Variants in ZNF362 observed in about 807,000 individuals in gnomAD.
ZNF362 encodes the protein rotund homolog.
A neutral mutation model predicts 42.9 loss-of-function variants in ZNF362; 11 were observed. That is an observed-to-expected ratio of 0.26 (90% CI 0.16 to 0.42). The LOEUF (loss-of-function observed/expected upper bound fraction) is 0.42, where lower values mean the gene tolerates loss of function less well. Among genes scored for constraint, ZNF362 ranks in the 20% least tolerant of loss-of-function variants. ZNF362 has a pLI of 1.00. For missense variants in ZNF362, 362 were observed against 576.2 expected (o/e 0.63, Z 3.81); for synonymous variants, 255 against 257.3 (o/e 0.99, Z 0.09).
Position 33,256,531 on chromosome 1 carries a change from C to G in ZNF362, c.-212C>G, listed in dbSNP as rs2148053023. 6.7e-6 allele frequency: 1 copy of G among 148,836 alleles called. No homozygotes were observed. The allele number at this position is 148,836 out of a possible 1,614,324, so 9.2% of individuals were successfully genotyped here. Reference sequence around the variant, plus strand: ...GGCGACCCGGAAGGTTTGCGCGCGGCTCCGCAGCGAGCCAGAGCCGGAGCC... The same window carrying G: ...GGCGACCCGGAAGGTTTGCGCGCGGGTCCGCAGCGAGCCAGAGCCGGAGCC... On this transcript the variant is annotated 5_prime_UTR_variant, in exon 1 of 9. Transcript: ENST00000539719.
chr1:33,155,867 A>G, the ZNF362 span, among the ~76,000 whole-genome samples: 1 of 152,170 alleles, frequency 6.6e-6, no homozygotes, highest in African/African-American at 2.4e-5. Flanking sequence ...CCAACACCTG[A>G]TAAGTCTACT....
At chr1:33,188,346 C>G in the ZNF362 span, among the ~76,000 whole-genome samples, 485 of 152,272 alleles carry the variant, frequency 3.2e-3, 18 homozygotes, top group East Asian at 0.083. Context: ...GGATGCAGCC[C>G]TGGTTGGTAT....
At chr1:33,240,071 TC>T in the ZNF362 span, among the ~76,000 whole-genome samples, 17 of 152,272 alleles carry the variant, frequency 1.1e-4, no homozygotes, top group Non-Finnish European at 1.9e-4. Context: ...GTGGTAGAAC[TC>T]CCGGGTGAAA....
chr1:33,189,634 C>CATATATATATATATATAT, the ZNF362 span, among the ~76,000 whole-genome samples: 16 of 55,546 alleles, frequency 2.9e-4, no homozygotes, highest in Non-Finnish European at 4.7e-4. Context: ...CACATTCCAG[C>CATATATATATATATATAT]ATATATATAT....
chr1:33,206,361 A>C, the ZNF362 span, among the ~76,000 whole-genome samples: 1 of 79,070 alleles, frequency 1.3e-5, no homozygotes, highest in African/African-American at 5.6e-5. Context: ...ATACCAAAAC[A>C]AAAAAAAAAT....
At chr1:33,177,112 C>T in the ZNF362 span, among the ~76,000 whole-genome samples, 1 of 150,452 alleles carries the variant, frequency 6.6e-6, no homozygotes, top group Non-Finnish European at 1.5e-5. The surrounding 1 kb of genome is among the most constrained non-coding windows in gnomAD (Gnocchi z 4.1). Flanking sequence ...TGCACACACA[C>T]ATGCATGTAC....
chr1:33,209,036 T>C, the ZNF362 span, among the ~76,000 whole-genome samples: 1 of 152,200 alleles, frequency 6.6e-6, no homozygotes, highest in Non-Finnish European at 1.5e-5. Flanking sequence ...TTTTGCCCAT[T>C]CAGTATATTG....
the ZNF362 span, chr1:33,166,223 A>G: frequency 6.6e-6 from 1 of 152,294 alleles, no homozygotes; most frequent in Non-Finnish European, 1.5e-5. Flanking sequence ...CTGATCCTAC[A>G]TCATGTTGAG....
chr1:33,181,453 G>C, the ZNF362 span: 13 of 1,574,558 alleles, frequency 8.3e-6, no homozygotes, highest in African/African-American at 1.6e-4. The surrounding 1 kb of genome is among the most constrained non-coding windows in gnomAD (Gnocchi z 6.5). Context: ...GCAGCAGAGA[G>C]GGGGGCCCGA....
At chr1:33,152,084 C>T in the ZNF362 span, among the ~76,000 whole-genome samples, 2 of 152,232 alleles carry the variant, frequency 1.3e-5, no homozygotes, top group African/African-American at 2.4e-5. Context: ...GGGAGCACCA[C>T]GACAGACCCA....
the ZNF362 span, among the ~76,000 whole-genome samples, chr1:33,199,200 T>C: frequency 6.6e-6 from 1 of 151,644 alleles, no homozygotes; most frequent in East Asian, 1.9e-4. Flanking sequence ...ACAAGAAACA[T>C]AAAGAAAAAA....
At chr1:33,296,645 G>A (rs1158342395) in intron 8 of ZNF362, among the ~76,000 whole-genome samples, 1 of 151,322 alleles carries the variant, frequency 6.6e-6, no homozygotes, top group Non-Finnish European at 1.5e-5. Flanking sequence ...GAGAAAGAGG[G>A]GAAAGAAGCT....
intron 1 of ZNF362, among the ~76,000 whole-genome samples, chr1:33,262,419 G>A (rs986937980): frequency 1.5e-5 from 2 of 130,010 alleles, no homozygotes; most frequent in African/African-American, 5.8e-5. Context: ...ATTCTCTCCT[G>A]CCTCAGCCTC....
At chr1:33,151,337 C>G in the ZNF362 span, among the ~76,000 whole-genome samples, 13 of 152,182 alleles carry the variant, frequency 8.5e-5, no homozygotes, top group East Asian at 2.5e-3. Flanking sequence ...TGTGGCCTGA[C>G]TCTTAGGAGA....
At position 33,294,475 on chromosome 1, in the gene ZNF362, T is replaced by C. The variant is rs2148137025; in HGVS notation, c.909-462T>C. ...TCACGGAGATGTGCCTGACATGGGG[T>C]AGGGACAGGAAATAAGTGTCTGGGG... On this transcript the variant is annotated intron_variant, in intron 6 of 8. Transcript: ENST00000539719. The surrounding 1 kb of genome is among the most constrained non-coding windows in gnomAD (Gnocchi z 4.2). 6.6e-6 allele frequency among the ~76,000 whole-genome samples: 1 copy of C among 152,104 alleles called. No homozygotes were observed. Among genetic ancestry groups the C allele is most frequent in the South Asian group, 2.1e-4 (1 of 4,816 alleles).
the ZNF362 span, among the ~76,000 whole-genome samples, chr1:33,207,986 A>C: frequency 1.3e-5 from 2 of 152,102 alleles, no homozygotes; most frequent in African/African-American, 2.4e-5. Context: ...TTTTGTTGCC[A>C]TTGCTTTTGG....
At chr1:33,193,004 C>CACATACACACATATATATATAT in the ZNF362 span, among the ~76,000 whole-genome samples, 1 of 137,202 alleles carries the variant, frequency 7.3e-6, no homozygotes, top group Non-Finnish European at 1.6e-5. Context: ...CACACACACA[C>CACATACACACATATATATATAT]ATATATATAT....
At chr1:33,239,753 G>A in the ZNF362 span, among the ~76,000 whole-genome samples, 2 of 152,160 alleles carry the variant, frequency 1.3e-5, no homozygotes, top group African/African-American at 4.8e-5. Context: ...CTTGACACGT[G>A]GAGATTACAG....
chr1:33,181,576 G>T, the ZNF362 span: 2 of 1,373,588 alleles, frequency 1.5e-6, no homozygotes, highest in South Asian at 1.5e-5. The surrounding 1 kb of genome is among the most constrained non-coding windows in gnomAD (Gnocchi z 6.5). Flanking sequence ...AAGGGAGGGG[G>T]TGCTGTCCGG....
Sources: allele counts gnomAD v4.1 joint callset (sites outside exome capture counted in the v4.1 genomes callset), GRCh38; gene constraint gnomAD v4.1.1; non-coding constraint Gnocchi (gnomAD v3.1); transcripts MANE v1.5; gene names NCBI Gene and HGNC (gene_info 2026-07-23, HGNC 2026-07-21).